The following NCKAP5 variants were observed in gnomAD, a reference collection of about 807,000 sequenced individuals.
NCKAP5 encodes nck-associated protein 5.
Under a neutral mutation model 167.0 loss-of-function variants are expected in NCKAP5, and 92 were observed. The ratio of observed to expected loss-of-function variants is 0.55; its 90% confidence interval spans 0.47 to 0.66. The LOEUF (loss-of-function observed/expected upper bound fraction) is 0.66. Among genes scored for constraint, NCKAP5 ranks in the 30% least tolerant of loss-of-function variants. The pLI is 0.00. For missense variants in NCKAP5, 2,378 were observed against 2,315.0 expected, an observed-to-expected ratio of 1.03 and a Z score of -0.56; for synonymous variants, 891 against 877.4, an observed-to-expected ratio of 1.02 and a Z score of -0.27.
chr2:133,452,083 T>C (rs191003693), intron 3 of NCKAP5, among the ~76,000 whole-genome samples: 1 of 152,258 alleles, frequency 6.6e-6, no homozygotes, highest in Admixed American at 6.5e-5. Flanking sequence ...ACCAGCTCAC[T>C]CCACTATAAT....
At chr2:133,570,445 A>C (rs1024694755), upstream of NCKAP5, among the ~76,000 whole-genome samples, 7 of 152,158 alleles carry the variant, frequency 4.6e-5, no homozygotes, top group African/African-American at 1.7e-4. Context: ...AATGTTGATG[A>C]AGTTTCTCCC....
chr2:133,525,803 C>G (rs1244013089), intron 2 of NCKAP5, among the ~76,000 whole-genome samples: 1 of 152,066 alleles, frequency 6.6e-6, no homozygotes, highest in Non-Finnish European at 1.5e-5. Context: ...AGCCAGCTGT[C>G]CCATGTCACC....
chr2:133,459,793 T>A (rs1460136409), intron 3 of NCKAP5, among the ~76,000 whole-genome samples: 4 of 152,166 alleles, frequency 2.6e-5, no homozygotes, highest in Non-Finnish European at 5.9e-5. Context: ...AAACACGTAA[T>A]GAGTCTGTAA....
intron 3 of NCKAP5, among the ~76,000 whole-genome samples, chr2:133,408,043 G>T (rs1341460561): frequency 6.6e-6 from 1 of 152,138 alleles, no homozygotes; most frequent in African/African-American, 2.4e-5. Context: ...TTTCACAACT[G>T]AAAAATCAGA....
intron 4 of NCKAP5, among the ~76,000 whole-genome samples, chr2:133,273,612 T>G (rs1440081019): frequency 1.3e-5 from 2 of 151,910 alleles, no homozygotes; most frequent in African/African-American, 4.8e-5. Flanking sequence ...ATACCAAAAG[T>G]AAATATAGGC....
chr2:133,402,450 C>G (rs1688163132), intron 3 of NCKAP5, among the ~76,000 whole-genome samples: 1 of 152,090 alleles, frequency 6.6e-6, no homozygotes, highest in Non-Finnish European at 1.5e-5. Context: ...AATTTAGTAA[C>G]AAAGTAAACT....
At chr2:133,671,214 C>CAAAAAAA in the NCKAP5 span, among the ~76,000 whole-genome samples, 4 of 53,972 alleles carry the variant, frequency 7.4e-5, no homozygotes, top group Admixed American at 2.4e-4. Context: ...GACTCCGTCT[C>CAAAAAAA]AAAAAAAAAA....
intron 5 of NCKAP5, among the ~76,000 whole-genome samples, chr2:133,143,990 G>C (rs2083095257): frequency 6.6e-6 from 1 of 152,068 alleles, no homozygotes; most frequent in Non-Finnish European, 1.5e-5. Context: ...ACCAACTGAT[G>C]CATTTAAGCC....
chr2:133,511,264 G>T (rs929523819), intron 3 of NCKAP5, among the ~76,000 whole-genome samples: 3 of 152,052 alleles, frequency 2.0e-5, no homozygotes, highest in Non-Finnish European at 4.4e-5. Context: ...CACTCTTTTG[G>T]GGCTCCCTCA....
chr2:133,135,390 T>C (rs1218480809), intron 5 of NCKAP5, among the ~76,000 whole-genome samples: 1 of 151,910 alleles, frequency 6.6e-6, no homozygotes, highest in African/African-American at 2.4e-5. Flanking sequence ...AGGAGTGGCA[T>C]AGGACGCAGG....
chr2:133,455,122 G>A (rs1053141754), intron 3 of NCKAP5, among the ~76,000 whole-genome samples: 1 of 152,002 alleles, frequency 6.6e-6, no homozygotes, highest in African/African-American at 2.4e-5. Context: ...TTTGTTTAAA[G>A]CAATACCAAC....
At chr2:133,552,809 A>G (rs1042159290) in intron 2 of NCKAP5, among the ~76,000 whole-genome samples, 7 of 152,184 alleles carry the variant, frequency 4.6e-5, no homozygotes, top group African/African-American at 1.7e-4. Flanking sequence ...TGAGGGGGAA[A>G]GAAAGCAGAT....
intron 6 of NCKAP5, among the ~76,000 whole-genome samples, chr2:133,011,170 G>T (rs1280901247): frequency 6.6e-6 from 1 of 152,158 alleles, no homozygotes; most frequent in Non-Finnish European, 1.5e-5. Flanking sequence ...TTAAAGCTGT[G>T]CTGCGGGATT....
intron 6 of NCKAP5, among the ~76,000 whole-genome samples, chr2:133,049,770 G>A (rs1020353419): frequency 2.0e-5 from 3 of 152,104 alleles, no homozygotes; most frequent in African/African-American, 7.2e-5. Flanking sequence ...CAGTGCTCCA[G>A]CATGCGATTG....
chr2:133,385,934 T>C, intron 3 of NCKAP5, among the ~76,000 whole-genome samples: 1 of 152,322 alleles, frequency 6.6e-6, no homozygotes, highest in South Asian at 2.1e-4. Context: ...GATTCTTCTC[T>C]CTTTTCTTCT....
intron 5 of NCKAP5, among the ~76,000 whole-genome samples, chr2:133,201,820 C>A (rs1055175323): frequency 3.3e-5 from 5 of 152,072 alleles, no homozygotes; most frequent in African/African-American, 1.2e-4. Context: ...ACAAGAGGAA[C>A]TAGGAGATTC....
chr2:132,691,363 C>G (rs919281610), intron 19 of NCKAP5, among the ~76,000 whole-genome samples: 5 of 152,082 alleles, frequency 3.3e-5, no homozygotes, highest in Non-Finnish European at 4.4e-5. Context: ...TCCTAAAATT[C>G]TCCCCACAGC....
chr2:133,647,719 A>AGGAAGGAAGGAAGGAAGGAG, the NCKAP5 span, among the ~76,000 whole-genome samples: 1 of 136,334 alleles, frequency 7.3e-6, no homozygotes, highest in Non-Finnish European at 1.6e-5. Context: ...AAAGAAAGGA[A>AGGAAGGAAGGAAGGAAGGAG]GGAAGGAAGG....
intron 4 of NCKAP5, among the ~76,000 whole-genome samples, chr2:133,268,099 T>C (rs2089328768): frequency 6.6e-6 from 1 of 152,262 alleles, no homozygotes; most frequent in Non-Finnish European, 1.5e-5. Flanking sequence ...TTAAGCCCTT[T>C]ATTCAGATAG....
Sources: allele counts gnomAD v4.1 joint callset (sites outside exome capture counted in the v4.1 genomes callset), GRCh38; gene constraint gnomAD v4.1.1; transcripts MANE v1.5; gene names NCBI Gene and HGNC (gene_info 2026-07-23, HGNC 2026-07-21).